ATRN: variants seen among roughly 807,000 people sequenced by gnomAD.
ATRN encodes the protein attractin, also known as attractin-2.
ATRN carries 54 observed loss-of-function variants against 178.7 expected under a neutral mutation model. That is an observed-to-expected ratio of 0.30 (90% CI 0.24 to 0.38). The LOEUF is 0.38. ATRN is among the 10% of genes least tolerant of loss of function. The pLI is 1.00. For synonymous variants in ATRN, 636 were observed against 663.0 expected (o/e 0.96, Z 0.63); for missense variants, 1,443 against 1,815.1 (o/e 0.79, Z 3.73).
In ATRN at chr20:3,604,109, A is replaced by G. The variant is rs2086647827; in HGVS notation, c.3648A>G (p.Gly1216=). 2 of 1,579,520 alleles carry G rather than the reference A, an allele frequency of 1.3e-6. No individual in the cohort carries two copies. The highest frequency in any genetic ancestry group is 1.7e-6 in the Non-Finnish European group (2 of 1,168,862). ...NITWAASFSA[G]TQAGEEMPVV... ...TTCATGTTTTTCTTTTAACAGCTGG[A>G]ACCCAGGCTGGAGAAGAGATGCCTG... Residue 1216 remains glycine (G), a synonymous_variant, in exon 24 of 29, where the codon GGA becomes GGG. Transcript: ENST00000262919.
rs2084420012 is a variant in ATRN, at chr20:3,471,402, A to G, written c.295A>G (p.Lys99Glu). 3 of 1,489,322 alleles carry G rather than the reference A, an allele frequency of 2.0e-6. No homozygotes were observed. Among genetic ancestry groups the G allele is most frequent in the Admixed American group, 4.6e-5 (2 of 43,072 alleles). 92.3% of individuals were successfully genotyped at this position (1,489,322 alleles called of 1,614,324 possible). ...GTCGGGCTCAGCCGCAGCCGAGGCCAAGGAATGTGACCGGCCCTGTGTCAA... is the reference window on the plus strand; with the variant it reads ...GTCGGGCTCAGCCGCAGCCGAGGCCGAGGAATGTGACCGGCCCTGTGTCAA... ...AVSGSAAAEAKECDRPCVNGG... is the reference protein window; with the variant it reads ...AVSGSAAAEAEECDRPCVNGG... Residue 99 changes from lysine (K) to glutamate (E), a missense_variant, in exon 1 of 29, where the codon AAG becomes GAG. This residue lies in a region of ATRN where 862 missense variants were observed against 972.1 expected (regional missense o/e 0.89). Coordinates refer to ENST00000262919, the MANE Select transcript of ATRN (RefSeq NM_139321.3).
At chr20:3,489,446 A>G (rs1423052305) in intron 1 of ATRN, 4 of 813,176 alleles carry the variant, frequency 4.9e-6, no homozygotes, top group African/African-American at 1.7e-5. Context: ...AGGGTCTTTA[A>G]GAGAATTTGG....
chr20:3,541,514 C>A (rs1413847929), intron 3 of ATRN, among the ~76,000 whole-genome samples: 1 of 152,188 alleles, frequency 6.6e-6, no homozygotes, highest in Non-Finnish European at 1.5e-5. Flanking sequence ...CTACTGTACA[C>A]CCTGCTTATA....
At chr20:3,561,632 A>T (rs946555534) in intron 8 of ATRN, among the ~76,000 whole-genome samples, 1 of 152,216 alleles carries the variant, frequency 6.6e-6, no homozygotes, top group African/African-American at 2.4e-5. Context: ...GTGCAGTAGG[A>T]ATACCAGGTA....
At chr20:3,541,524 A>T (rs914224414) in intron 3 of ATRN, among the ~76,000 whole-genome samples, 3 of 152,220 alleles carry the variant, frequency 2.0e-5, no homozygotes, top group African/African-American at 7.2e-5. Context: ...CCCTGCTTAT[A>T]TGGTACAGCC....
rs754138640 is a variant in ATRN at position 3,578,756 on chromosome 20, A to G, written c.2528A>G (p.Gln843Arg). Residue 843 changes from glutamine (Q) to arginine (R), a missense_variant, in exon 15 of 29, where the codon CAG becomes CGG. By Grantham distance (43) the Gln-to-Arg change is conservative. Transcript: ENST00000262919. Reference sequence around the variant, plus strand: ...GTCCTTAAGCAGCTGCGAATAATGCAGTCATCTCAGAGCATGGTGAGTTAA... The same window carrying G: ...GTCCTTAAGCAGCTGCGAATAATGCGGTCATCTCAGAGCATGGTGAGTTAA... ...EFVLKQLRIM[Q>R]SSQSMSKLTL... 1 of 1,612,466 alleles carries G rather than the reference A, an allele frequency of 6.2e-7. No individual in the cohort carries two copies. The highest frequency in any genetic ancestry group is 8.5e-7 in the Non-Finnish European group (1 of 1,179,504).
At position 3,512,768 on chromosome 20, in the gene ATRN, C is replaced by T. The variant is rs1212799714; in HGVS notation, c.411-22485C>T. ...ATTTCTCCACATCCTCTCCAGCACC[C>T]GTTGTTTCCTGACTTTTTAATGATC... is the stretch of plus-strand genomic sequence containing the variant. On this transcript the variant is annotated intron_variant, in intron 1 of 28. Coordinates refer to ENST00000262919, the MANE Select transcript of ATRN (RefSeq NM_139321.3). Among the ~76,000 whole-genome samples, 13 of 152,200 alleles carry T rather than the reference C, an allele frequency of 8.5e-5. No homozygotes were observed. The East Asian group carries it at 1.4e-3, about 16-fold the overall frequency.
At chr20:3,516,256 A>G (rs527902659) in intron 1 of ATRN, among the ~76,000 whole-genome samples, 6 of 152,200 alleles carry the variant, frequency 3.9e-5, no homozygotes, top group Non-Finnish European at 7.3e-5. Flanking sequence ...ATGTGTGTTT[A>G]TAAGTGTGAA....
intron 6 of ATRN, among the ~76,000 whole-genome samples, chr20:3,554,308 TA>T (rs1426770127): frequency 1.3e-4 from 18 of 136,382 alleles, no homozygotes; most frequent in African/African-American, 4.2e-4. Context: ...TACAGATTTT[TA>T]TTTATTTATT....
intron 1 of ATRN, among the ~76,000 whole-genome samples, chr20:3,503,516 A>G (rs937104422): frequency 2.6e-5 from 4 of 152,190 alleles, no homozygotes; most frequent in Non-Finnish European, 5.9e-5. Context: ...AAAGAGCCAT[A>G]TAAAATTAAT....
At chr20:3,607,319 G>T (rs970164128) in intron 24 of ATRN, among the ~76,000 whole-genome samples, 1 of 152,020 alleles carries the variant, frequency 6.6e-6, no homozygotes, top group Non-Finnish European at 1.5e-5. Flanking sequence ...AATGACTATT[G>T]TGCCATTGAA....
At chr20:3,639,889 A>G (rs235554) in intron 27 of ATRN, among the ~76,000 whole-genome samples, 131,661 of 152,160 alleles carry the variant, frequency 0.87, 57,334 homozygotes, top group East Asian at 1. Flanking sequence ...TAAACACAAC[A>G]CCCACCTGAA....
chr20:3,598,924 T>C (rs2086568191), intron 22 of ATRN, among the ~76,000 whole-genome samples: 1 of 152,220 alleles, frequency 6.6e-6, no homozygotes, highest in Non-Finnish European at 1.5e-5. Flanking sequence ...ACAAAGTATA[T>C]TGCTTTGTTA....
At position 3,597,937 on chromosome 20, in the gene ATRN, T is replaced by C; in HGVS notation, c.3501T>C (p.Phe1167=). Residue 1167 remains phenylalanine, a synonymous_variant, in exon 22 of 29, where the codon TTT becomes TTC. Coordinates refer to ENST00000262919, the MANE Select transcript of ATRN (RefSeq NM_139321.3). ...YTLLIDYQFT[F]SLSQEDDRYY... The stretch of plus-strand genomic sequence containing the variant: ...TTCTTATTGACTATCAGTTCACCTT[T>C]AGTCTATCCCAGGAAGATGATCGCT... 1 of 1,611,198 alleles carries C rather than the reference T, an allele frequency of 6.2e-7. No homozygotes were observed. The highest frequency in any genetic ancestry group is 8.5e-7 in the Non-Finnish European group (1 of 1,177,596).
intron 1 of ATRN, among the ~76,000 whole-genome samples, chr20:3,527,833 T>C (rs151537): frequency 0.39 from 58,945 of 151,234 alleles, 13,127 homozygotes; most frequent in African/African-American, 0.59. Flanking sequence ...AAACCAAACA[T>C]TGCATGTTTT....
intron 12 of ATRN, among the ~76,000 whole-genome samples, chr20:3,573,237 C>T (rs1280358766): frequency 1.3e-5 from 2 of 152,122 alleles, no homozygotes; most frequent in African/African-American, 4.8e-5. Flanking sequence ...TGCAGTTGCT[C>T]TGAGGCAGTG....
intron 27 of ATRN, among the ~76,000 whole-genome samples, chr20:3,642,141 G>C (rs1246736692): frequency 6.6e-6 from 1 of 152,160 alleles, no homozygotes; most frequent in Non-Finnish European, 1.5e-5. Flanking sequence ...TTCATCTTTT[G>C]ACAGTGGTGT....
At chr20:3,542,086 A>G (rs1291017881) in intron 3 of ATRN, among the ~76,000 whole-genome samples, 2 of 152,372 alleles carry the variant, frequency 1.3e-5, no homozygotes, top group Admixed American at 6.5e-5. Flanking sequence ...AAGGCCAAAG[A>G]GCAGGGTGGA....
At chr20:3,512,085 T>TTATATATATATA (rs1212714416) in intron 1 of ATRN, among the ~76,000 whole-genome samples, 1 of 119,782 alleles carries the variant, frequency 8.3e-6, no homozygotes, top group Non-Finnish European at 1.7e-5. Context: ...CTTTTTTCTT[T>TTATATATATATA]TATATATATA....
Sources: allele counts gnomAD v4.1 joint callset (sites outside exome capture counted in the v4.1 genomes callset), GRCh38; gene constraint gnomAD v4.1.1; regional missense constraint gnomAD v4.1.1; transcripts MANE v1.5; gene names NCBI Gene and HGNC (gene_info 2026-07-23, HGNC 2026-07-21).